Variants in ASH1L observed in about 807,000 individuals in gnomAD.
ASH1L encodes histone-lysine N-methyltransferase ASH1L.
Under a neutral mutation model 269.0 loss-of-function variants are expected in ASH1L, and 23 were observed. The ratio of observed to expected loss-of-function variants is 0.09; its 90% CI spans 0.06 to 0.12. The LOEUF (loss-of-function observed/expected upper bound fraction) is 0.12, where lower values mean the gene tolerates loss of function less well. Ranked by LOEUF, ASH1L falls within the 10% of genes least tolerant of loss-of-function variation. The probability of loss-of-function intolerance (pLI) is 1.00; values close to 1 mark genes in which losing one functional copy is unlikely to be tolerated. For missense variants in ASH1L, 2,912 were observed against 3,567.8 expected, an observed-to-expected ratio of 0.82 and a Z score of 4.68; for synonymous variants, 1,187 against 1,253.5, an observed-to-expected ratio of 0.95 and a Z score of 1.12.
intron 25 of ASH1L, among the ~76,000 whole-genome samples, chr1:155,341,037 T>C (rs1467969249): frequency 1.3e-5 from 2 of 152,152 alleles, no homozygotes; most frequent in African/African-American, 2.4e-5. Context: ...AATGGCGCGA[T>C]CTTGGCTCAC....
chr1:155,389,608 G>A (rs1175511368), intron 7 of ASH1L, among the ~76,000 whole-genome samples: 10 of 152,124 alleles, frequency 6.6e-5, no homozygotes, highest in Non-Finnish European at 2.9e-5. Flanking sequence ...AGGAGGAGGA[G>A]AATGCAGAGA....
At chr1:155,453,190 A>G (rs1006118990) in intron 4 of ASH1L, among the ~76,000 whole-genome samples, 3 of 152,060 alleles carry the variant, frequency 2.0e-5, no homozygotes, top group Non-Finnish European at 4.4e-5. Context: ...CCCTGTCCCT[A>G]CTAAAAATAC....
intron 25 of ASH1L, among the ~76,000 whole-genome samples, chr1:155,341,461 C>T (rs528752890): frequency 1.3e-5 from 2 of 152,288 alleles, no homozygotes; most frequent in South Asian, 2.1e-4. Flanking sequence ...CAGGCGTGAG[C>T]CACCGCGCCT....
At chr1:155,414,678 C>T (rs1660064748) in intron 6 of ASH1L, among the ~76,000 whole-genome samples, 1 of 152,152 alleles carries the variant, frequency 6.6e-6, no homozygotes, top group Non-Finnish European at 1.5e-5. Context: ...TCATATAATG[C>T]TTATTTACCA....
At chr1:155,387,257 A>T (rs1371496657) in intron 7 of ASH1L, among the ~76,000 whole-genome samples, 1 of 152,202 alleles carries the variant, frequency 6.6e-6, no homozygotes, top group Non-Finnish European at 1.5e-5. Context: ...TACAGGCGTG[A>T]GCCACCACGC....
At chr1:155,519,187 C>T (rs984903445) in intron 2 of ASH1L, among the ~76,000 whole-genome samples, 1 of 152,134 alleles carries the variant, frequency 6.6e-6, no homozygotes, top group Non-Finnish European at 1.5e-5. Flanking sequence ...GTCATCCCAG[C>T]ACTTTGGGAA....
At chr1:155,352,641 T>C in intron 17 of ASH1L, 65 bp downstream of exon 17, 1 of 1,472,170 alleles carries the variant, frequency 6.8e-7, no homozygotes, top group Non-Finnish European at 9.0e-7. Flanking sequence ...CCTATCTCTA[T>C]TTATTTAAAA....
At chr1:155,433,384 G>C in intron 5 of ASH1L, 1 of 1,603,460 alleles carries the variant, frequency 6.2e-7, no homozygotes, top group Non-Finnish European at 8.5e-7. Context: ...CGCTGTATGA[G>C]TTCTGTGGGG....
chr1:155,466,040 T>C (rs1398743584), intron 3 of ASH1L, among the ~76,000 whole-genome samples: 1 of 152,186 alleles, frequency 6.6e-6, no homozygotes, highest in Non-Finnish European at 1.5e-5. Context: ...TCAGAGCCTG[T>C]TCTGGCGATT....
rs750707815 is a variant in ASH1L at position 155,521,215 on chromosome 1, T to G, written c.305A>C (p.Asn102Thr). Residue 102 changes from asparagine to threonine, a missense_variant, in exon 2 of 28, where the codon AAC becomes ACC. This residue lies in a region of ASH1L where 277 missense variants were observed against 367.7 expected (regional missense o/e 0.75). Coordinates refer to ENST00000392403, the MANE Select transcript of ASH1L (RefSeq NM_018489.3). ...QAKRTKKPPKNLENYVCRPAI... is the reference protein window; with the variant it reads ...QAKRTKKPPKTLENYVCRPAI... ...AGGTCGACATACATAGTTCTCCAAG[T>G]TCTTTGGAGGTTTTTTAGTTCTCTT... The G allele has an allele frequency of 6.2e-7, 1 of 1,614,114 alleles. No individual in the cohort carries two copies. The highest frequency in any genetic ancestry group is 1.1e-5 in the South Asian group (1 of 91,070).
At position 155,491,398 on chromosome 1, in the gene ASH1L, G is replaced by A. The variant is rs1022580736; in HGVS notation, c.421-8949C>T. ...CTACAGGTATGAGCCACTGTGCCTG[G>A]CCAAAATCTTTTATGTATTCAAATA... On this transcript the variant is annotated intron_variant, in intron 2 of 27. Coordinates refer to ENST00000392403, the MANE Select transcript of ASH1L (RefSeq NM_018489.3). 4.6e-5 allele frequency among the ~76,000 whole-genome samples: 7 copies of A among 151,890 alleles called. No homozygotes were observed. In the East Asian group the frequency reaches 1.4e-3, roughly 29 times the overall value.
At chr1:155,471,263 G>A (rs1665077490) in intron 3 of ASH1L, among the ~76,000 whole-genome samples, 1 of 152,200 alleles carries the variant, frequency 6.6e-6, no homozygotes, top group Non-Finnish European at 1.5e-5. Context: ...CTGGCACAGA[G>A]TTTCAAAAAC....
intron 4 of ASH1L, among the ~76,000 whole-genome samples, chr1:155,445,138 T>C (rs1662910152): frequency 6.6e-6 from 1 of 152,228 alleles, no homozygotes; most frequent in South Asian, 2.1e-4. Context: ...TACAGCACCA[T>C]TTGTTGAAAA....
At chr1:155,469,680 C>T (rs912608147) in intron 3 of ASH1L, among the ~76,000 whole-genome samples, 1 of 152,212 alleles carries the variant, frequency 6.6e-6, no homozygotes, top group Non-Finnish European at 1.5e-5. Context: ...CCAACCTTAT[C>T]CTTTTGCATA....
chr1:155,488,538 G>A (rs1268244493), intron 2 of ASH1L, among the ~76,000 whole-genome samples: 2 of 146,814 alleles, frequency 1.4e-5, no homozygotes, highest in Non-Finnish European at 3.0e-5. Context: ...GCAGGGTGGC[G>A]CATGCCTGTG....
rs538822756 is a variant in ASH1L at position 155,538,558 on chromosome 1, T to C, written c.-99-16940A>G. ...ATTTTCAGTAGAGACAAGGTTTCACTATATTGAACTCCTGACCTCGTGATC... is the reference window on the plus strand; with the variant it reads ...ATTTTCAGTAGAGACAAGGTTTCACCATATTGAACTCCTGACCTCGTGATC... On this transcript the variant is annotated intron_variant, in intron 1 of 27. Coordinates refer to ENST00000392403, the MANE Select transcript of ASH1L (RefSeq NM_018489.3). Among the ~76,000 whole-genome samples, 16 of 151,354 alleles carry C rather than the reference T, an allele frequency of 1.1e-4. No homozygotes were observed. In the East Asian group the frequency reaches 2.7e-3, roughly 26 times the overall value.
intron 4 of ASH1L, among the ~76,000 whole-genome samples, chr1:155,441,619 C>CGTGA (rs1553257832): frequency 6.6e-6 from 1 of 150,870 alleles, no homozygotes; most frequent in Admixed American, 6.6e-5. Flanking sequence ...CCCAGCATCA[C>CGTGA]ACCTGGCTAA....
intron 3 of ASH1L, among the ~76,000 whole-genome samples, chr1:155,460,352 G>A (rs1664198434): frequency 1.3e-5 from 2 of 152,294 alleles, no homozygotes; most frequent in African/African-American, 2.4e-5. Context: ...GCTCACGCCT[G>A]TAATCCCAGT....
chr1:155,498,320 C>T (rs1209119848), intron 2 of ASH1L, among the ~76,000 whole-genome samples: 1 of 151,920 alleles, frequency 6.6e-6, no homozygotes, highest in African/African-American at 2.4e-5. Context: ...ATGGTGAGGG[C>T]TGCAAAACAA....
Sources: gnomAD v4.1 joint callset for allele counts (sites outside exome capture counted in the v4.1 genomes callset) on GRCh38, gnomAD v4.1.1 for gene constraint, gnomAD v4.1.1 regional missense constraint, MANE v1.5 for transcripts, NCBI Gene and HGNC (gene_info 2026-07-23, HGNC 2026-07-21) for gene names.